The following ZNF131 variants were observed in gnomAD, a reference collection of about 807,000 sequenced individuals.
ZNF131 encodes the protein zinc finger protein 131.
In ZNF131, 7 loss-of-function variants were observed where a neutral mutation model predicts 60.0. The ratio of observed to expected loss-of-function variants is 0.12; its 90% CI spans 0.07 to 0.22. ZNF131 has a LOEUF of 0.22. ZNF131 is among the 10% of genes least tolerant of loss of function. The pLI is 1.00. For missense variants in ZNF131, 493 were observed against 740.9 expected (o/e 0.67, Z 3.88); for synonymous variants, 257 against 253.2 (o/e 1.01, Z -0.14).
At chr5:43,129,802 G>A (rs1005102628) in intron 3 of ZNF131, among the ~76,000 whole-genome samples, 1 of 152,026 alleles carries the variant, frequency 6.6e-6, no homozygotes, top group Non-Finnish European at 1.5e-5. Context: ...TTACAGGTGC[G>A]TGCCACCACG....
chr5:43,139,649 A>T (rs1746553917), intron 4 of ZNF131, among the ~76,000 whole-genome samples: 1 of 152,246 alleles, frequency 6.6e-6, no homozygotes, highest in African/African-American at 2.4e-5. Context: ...GGTTTGGCTT[A>T]CAAAGATTAA....
chr5:43,143,659 G>A (rs1484973317), intron 4 of ZNF131: 1 of 183,172 alleles, frequency 5.5e-6, no homozygotes, highest in Non-Finnish European at 1.1e-5. Flanking sequence ...CTGATCATTG[G>A]ACAGAAATTT....
At chr5:43,125,681 C>T (rs371961640) in intron 3 of ZNF131, among the ~76,000 whole-genome samples, 3 of 151,444 alleles carry the variant, frequency 2.0e-5, no homozygotes, top group Admixed American at 6.6e-5. Context: ...TCAGGAAGGC[C>T]GAGGCAGGAG....
At chr5:43,163,961 A>G (rs1440681790) in intron 5 of ZNF131, among the ~76,000 whole-genome samples, 2 of 152,202 alleles carry the variant, frequency 1.3e-5, no homozygotes, top group South Asian at 2.1e-4. Context: ...ACTTACTGTC[A>G]GTATTCGAGG....
intron 3 of ZNF131, among the ~76,000 whole-genome samples, chr5:43,135,090 C>A (rs1334274137): frequency 6.6e-6 from 1 of 151,420 alleles, no homozygotes; most frequent in East Asian, 2.0e-4. Flanking sequence ...CCTCCGCCTC[C>A]CAGGTTCAAG....
chr5:43,123,195 C>G lies in ZNF131; in HGVS notation c.125-14C>G. 6.5e-7 allele frequency: 1 copy of G among 1,547,784 alleles called. No individual in the cohort carries two copies. Among genetic ancestry groups the G allele is most frequent in the Non-Finnish European group, 8.7e-7 (1 of 1,152,440 alleles). ...CTTGTGTATGATTTTCTTTTTTTTT[C>G]TTATTTTACCTAGGACACCATTTTA... is the stretch of plus-strand genomic sequence containing the variant. On this transcript the variant is annotated splice_polypyrimidine_tract_variant and intron_variant, in intron 2 of 6. Coordinates refer to ENST00000682664, the MANE Select transcript of ZNF131 (RefSeq NM_001330707.2).
chr5:43,145,623 A>G (rs1579799996), intron 4 of ZNF131, among the ~76,000 whole-genome samples: 1 of 152,040 alleles, frequency 6.6e-6, no homozygotes, highest in African/African-American at 2.4e-5. Context: ...ACTGCACTCC[A>G]TCCAGCCTGG....
chr5:43,158,367 A>G (rs1025412624), intron 4 of ZNF131, among the ~76,000 whole-genome samples: 5 of 151,730 alleles, frequency 3.3e-5, no homozygotes, highest in African/African-American at 9.7e-5. Context: ...TCGGTTCACC[A>G]CAACCTCCAC....
At chr5:43,143,026 CTTT>C (rs148965036) in intron 4 of ZNF131, among the ~76,000 whole-genome samples, 3 of 136,728 alleles carry the variant, frequency 2.2e-5, no homozygotes, top group African/African-American at 2.7e-5. Flanking sequence ...ATCTTTCAAG[CTTT>C]TTTTTTTTTT....
chr5:43,175,429 A>T lies in ZNF131; in HGVS notation c.*296A>T, dbSNP rs1751471167. The stretch of plus-strand genomic sequence containing the variant: ...CGAATGTATCTATTTTCATTGTGGT[A>T]AAAGTTCTTCCTTTTCTCTTTCCCA... On this transcript the variant is annotated 3_prime_UTR_variant, in exon 7 of 7. Coordinates refer to ENST00000682664, the MANE Select transcript of ZNF131 (RefSeq NM_001330707.2). The T allele has an allele frequency of 2.9e-6, 2 of 696,960 alleles. No homozygotes were observed. The highest frequency in any genetic ancestry group is 3.4e-4 in the Middle Eastern group (1 of 2,922). 43.2% of individuals were successfully genotyped at this position (696,960 alleles called of 1,614,324 possible). A position where few individuals can be genotyped will look rare whatever the true frequency, so the allele number is the denominator to read the frequency against.
intron 3 of ZNF131, among the ~76,000 whole-genome samples, chr5:43,127,677 A>ATC (rs1422071667): frequency 2.0e-5 from 3 of 152,250 alleles, no homozygotes; most frequent in Non-Finnish European, 4.4e-5. Flanking sequence ...TGGTTAAAGT[A>ATC]AGTTACCTTT....
At chr5:43,145,126 C>T (rs1333006620) in intron 4 of ZNF131, among the ~76,000 whole-genome samples, 1 of 151,910 alleles carries the variant, frequency 6.6e-6, no homozygotes, top group East Asian at 1.9e-4. Context: ...AAAACTACCT[C>T]GAAATTATGC....
chr5:43,124,822 A>AG (rs1491037984), intron 3 of ZNF131: 1 of 152,200 alleles, frequency 6.6e-6, no homozygotes, highest in South Asian at 2.1e-4. Context: ...CTTGATAAAC[A>AG]GGGTCCAGTC....
intron 4 of ZNF131, among the ~76,000 whole-genome samples, chr5:43,158,480 G>A (rs1749234939): frequency 6.6e-6 from 1 of 151,674 alleles, no homozygotes. Context: ...AGTAGAGATG[G>A]GGTTTCTCTA....
intron 5 of ZNF131, among the ~76,000 whole-genome samples, chr5:43,172,263 G>C (rs987607697): frequency 1.6e-4 from 25 of 152,178 alleles, no homozygotes; most frequent in African/African-American, 6.0e-4. Context: ...TTCTGCCCTT[G>C]ATTTTTGTTA....
intron 4 of ZNF131, among the ~76,000 whole-genome samples, chr5:43,140,238 A>G (rs187299527): frequency 2.0e-5 from 3 of 152,270 alleles, no homozygotes; most frequent in African/African-American, 7.2e-5. Context: ...TAAAAAAGAG[A>G]AAACGTGAAA....
chr5:43,134,997 A>G (rs1307065857), intron 3 of ZNF131, among the ~76,000 whole-genome samples: 11 of 142,956 alleles, frequency 7.7e-5, no homozygotes, highest in Middle Eastern at 9.7e-3. Context: ...GCGCCCGGCC[A>G]TCAGTTACAT....
chr5:43,142,864 G>GT (rs1434029196), intron 4 of ZNF131, among the ~76,000 whole-genome samples: 1 of 151,812 alleles, frequency 6.6e-6, no homozygotes, highest in East Asian at 1.9e-4. Flanking sequence ...GCTAATTTTT[G>GT]TATTTCTTTG....
intron 3 of ZNF131, among the ~76,000 whole-genome samples, chr5:43,128,808 G>A (rs4421113): frequency 0.061 from 9,272 of 151,710 alleles, 565 homozygotes; most frequent in African/African-American, 0.16. Flanking sequence ...CTGGAGTGCA[G>A]TGTACCATCA....
Sources: gnomAD v4.1 joint callset for allele counts (sites outside exome capture counted in the v4.1 genomes callset) on GRCh38, gnomAD v4.1.1 for gene constraint, MANE v1.5 for transcripts, NCBI Gene and HGNC (gene_info 2026-07-23, HGNC 2026-07-21) for gene names.